Variants in FMO5 observed in about 807,000 individuals in gnomAD.
FMO5 encodes flavin-containing monooxygenase 5.
FMO5 carries 51 observed loss-of-function variants against 43.6 expected under a neutral mutation model. The ratio of observed to expected loss-of-function variants is 1.17; its 90% confidence interval spans 0.93 to 1.48. The LOEUF (loss-of-function observed/expected upper bound fraction) is 1.48. Among genes scored for constraint, FMO5 ranks in the 40% most tolerant of loss-of-function variants. FMO5 has a pLI of 0.00. For synonymous variants in FMO5, 187 were observed against 216.5 expected, an observed-to-expected ratio of 0.86 and a Z score of 1.20; for missense variants, 644 against 643.0, an observed-to-expected ratio of 1.00 and a Z score of -0.02.
At chr1:147,190,357 T>C in intron 7 of FMO5, 108 bp from the exon 8 acceptor site, 1 of 682,730 alleles carries the variant, frequency 1.5e-6, no homozygotes, top group East Asian at 2.7e-5. Flanking sequence ...AGGGTAAGTT[T>C]CCTGTACTCA....
Position 147,201,236 on chromosome 1 carries a change from C to A in FMO5, c.1099G>T (p.Ala367Ser). ...FPPNLERPTLAIIGLIQPLGA... is the reference protein window; with the variant it reads ...FPPNLERPTLSIIGLIQPLGA... ...AAGGGCTGAATCAAGCCTATGATTG[C>A]AAGAGTTGGCCTTTCCAGGTTAGGA... Residue 367 changes from alanine (A) to serine (S), a missense_variant, in exon 7 of 9, where the codon GCA (alanine) becomes TCA (serine). Transcript: ENST00000254090. 1.2e-6 allele frequency: 2 copies of A among 1,614,142 alleles called. No individual in the cohort carries two copies. The highest frequency in any genetic ancestry group is 4.5e-5 in the East Asian group (2 of 44,872).
intron 1 of FMO5, 88 bp downstream of exon 1, chr1:147,225,198 AC>A (rs1663832165): frequency 6.9e-7 from 1 of 1,443,554 alleles, no homozygotes; most frequent in Non-Finnish European, 9.1e-7. Flanking sequence ...GGTCCTCTTC[AC>A]CAGAGGAAAT....
At chr1:147,207,698 A>G (rs1478351872) in intron 6 of FMO5, among the ~76,000 whole-genome samples, 9 of 152,350 alleles carry the variant, frequency 5.9e-5, no homozygotes, top group African/African-American at 1.2e-4. Flanking sequence ...TTAATCTACC[A>G]TATTGACTTC....
chr1:147,191,628 C>G (rs111641621), intron 7 of FMO5, among the ~76,000 whole-genome samples: 2,049 of 146,434 alleles, frequency 0.014, 15 homozygotes, highest in South Asian at 0.035. Flanking sequence ...TTCCCATTTT[C>G]TTGGTTGCCT....
chr1:147,203,598 C>G, intron 6 of FMO5: 1 of 1,132,152 alleles, frequency 8.8e-7, no homozygotes, highest in Admixed American at 1.7e-5. Flanking sequence ...GGAATAGCTT[C>G]AAACGCCTCA....
intron 6 of FMO5, chr1:147,204,721 G>C: frequency 6.6e-7 from 1 of 1,511,158 alleles, no homozygotes; most frequent in Non-Finnish European, 9.2e-7. Context: ...TCTTAAAATA[G>C]TCGCTGCATC....
chr1:147,204,781 C>G (rs1553921878), intron 6 of FMO5: 1 of 1,580,802 alleles, frequency 6.3e-7, no homozygotes, highest in Non-Finnish European at 8.7e-7. Context: ...TTTTTTCATT[C>G]CATTTCGTCC....
At chr1:147,191,430 G>T (rs1656775792) in intron 7 of FMO5, among the ~76,000 whole-genome samples, 1 of 152,174 alleles carries the variant, frequency 6.6e-6, no homozygotes. Context: ...TTCTCTGATG[G>T]CCAGCGATGA....
At chr1:147,224,539 T>C (rs1340059344) in intron 2 of FMO5, among the ~76,000 whole-genome samples, 4 of 152,096 alleles carry the variant, frequency 2.6e-5, no homozygotes, top group African/African-American at 9.7e-5. Flanking sequence ...AGACGGAGTC[T>C]TGCTCTGTCA....
At chr1:147,190,398 C>T (rs587634931) in intron 7 of FMO5, 149 bp from the exon 8 acceptor site, 32 of 563,856 alleles carry the variant, frequency 5.7e-5, no homozygotes, top group Non-Finnish European at 9.4e-5. Context: ...ATCACCTTAC[C>T]ACCACCACAA....
At chr1:147,201,754 C>T (rs755205722) in intron 6 of FMO5, among the ~76,000 whole-genome samples, 8 of 152,164 alleles carry the variant, frequency 5.3e-5, no homozygotes, top group Admixed American at 6.5e-5. Context: ...TTGAGGAGTG[C>T]ATATATGATT....
At position 147,201,346 on chromosome 1, in the gene FMO5, G is replaced by A. The variant is rs1658938261; in HGVS notation, c.989C>T (p.Thr330Ile). 5 of 1,614,150 alleles carry A rather than the reference G, an allele frequency of 3.1e-6. No homozygotes were observed. Among genetic ancestry groups the A allele is most frequent in the African/African-American group, 2.7e-5 (2 of 75,034 alleles). ...EDDIDAVIFA[T>I]GYSFDFPFLE... Reference sequence around the variant, plus strand: ...AAATGGAAAGTCAAAGCTATAGCCTGTGGCAAAGATAACAGCATCAATGTC... The same window carrying A: ...AAATGGAAAGTCAAAGCTATAGCCTATGGCAAAGATAACAGCATCAATGTC... Residue 330 changes from threonine to isoleucine, a missense_variant, in exon 7 of 9, where the codon ACA (threonine) becomes ATA (isoleucine). Thr to Ile is a moderately conservative substitution (Grantham distance 89). Coordinates refer to ENST00000254090, the MANE Select transcript of FMO5 (RefSeq NM_001461.4).
intron 6 of FMO5, chr1:147,204,815 C>A: frequency 6.2e-7 from 1 of 1,603,764 alleles, no homozygotes; most frequent in African/African-American, 1.3e-5. Flanking sequence ...GTGGTTTGGG[C>A]AAGCTCCTTG....
chr1:147,220,501 A>G (rs782502093), intron 2 of FMO5, among the ~76,000 whole-genome samples: 2 of 152,338 alleles, frequency 1.3e-5, no homozygotes, highest in East Asian at 3.9e-4. Context: ...CTTTGTCCTT[A>G]ATAGTGGGCT....
chr1:147,213,062 A>C (rs950860922), intron 4 of FMO5, among the ~76,000 whole-genome samples: 15 of 152,158 alleles, frequency 9.9e-5, no homozygotes, highest in African/African-American at 3.4e-4. Context: ...TTGATACTCC[A>C]GTCATTTGAT....
At position 147,209,141 on chromosome 1, in the gene FMO5, C is replaced by T; in HGVS notation, c.631-90G>A. 2.6e-6 allele frequency: 3 copies of T among 1,149,150 alleles called. No homozygotes were observed. In the South Asian group the frequency reaches 4.3e-5, roughly 16 times the overall value. 71.2% of individuals were successfully genotyped at this position (1,149,150 alleles called of 1,614,324 possible). A position where few individuals can be genotyped will look rare whatever the true frequency, so the allele number is the denominator to read the frequency against. ...ATTTTCTTCAAGAATCATTTCAGGC[C>T]CGGCGCGGTGGCTCACGCCTGTAAT... On this transcript the variant is annotated intron_variant, in intron 5 of 8. Coordinates refer to ENST00000254090, the MANE Select transcript of FMO5 (RefSeq NM_001461.4).
Position 147,208,999 on chromosome 1 carries a change from T to C in FMO5, c.683A>G (p.Tyr228Cys), listed in dbSNP as rs782573507. The C allele has an allele frequency of 2.5e-6, 4 of 1,614,164 alleles. No individual in the cohort carries two copies. Among genetic ancestry groups the C allele is most frequent in the Non-Finnish European group, 3.4e-6 (4 of 1,180,004 alleles). The change falls in exon 6 of 9, where the codon TAC becomes TGC. Residue 228 changes from tyrosine (Y) to cysteine (C), a missense_variant. Transcript: ENST00000254090. ...GAWILNRVGDYGYPADVLFSS... is the reference protein window; with the variant it reads ...GAWILNRVGDCGYPADVLFSS... The stretch of plus-strand genomic sequence containing the variant: ...GAACAACACATCAGCAGGATATCCG[T>C]AGTCCCCTACACGATTCAGGATCCA...
intron 7 of FMO5, among the ~76,000 whole-genome samples, chr1:147,194,710 C>CA (rs1216693713): frequency 1.3e-5 from 2 of 151,958 alleles, no homozygotes; most frequent in African/African-American, 4.8e-5. Context: ...CTGGTGGTCA[C>CA]AAAATCTCTC....
chr1:147,224,998 C>T lies in FMO5; in HGVS notation c.32G>A (p.Gly11Glu). Residue 11 changes from glycine (G) to glutamate (E), a missense_variant, in exon 2 of 9, where the codon GGA becomes GAA. Coordinates refer to ENST00000254090, the MANE Select transcript of FMO5 (RefSeq NM_001461.4). ...GATGGAAGAGAGCCCGCTCACTCCTCCCCCAATCACAGCAATTCTTTTCTT... is the reference window on the plus strand; with the variant it reads ...GATGGAAGAGAGCCCGCTCACTCCTTCCCCAATCACAGCAATTCTTTTCTT... MTKKRIAVIG[G>E]GVSGLSSIKC... The T allele has an allele frequency of 6.2e-7, 1 of 1,614,024 alleles. No individual in the cohort carries two copies. Among genetic ancestry groups the T allele is most frequent in the African/African-American group, 1.3e-5 (1 of 74,984 alleles).
Sources: gnomAD v4.1 joint callset for allele counts (sites outside exome capture counted in the v4.1 genomes callset) on GRCh38, gnomAD v4.1.1 for gene constraint, MANE v1.5 for transcripts, NCBI Gene and HGNC (gene_info 2026-07-23, HGNC 2026-07-21) for gene names.